Variants in CLVS1 observed in about 807,000 individuals in gnomAD.
The protein encoded by CLVS1 is clavesin 1.
In CLVS1, 10 loss-of-function variants were observed where a neutral mutation model predicts 33.1. The observed-to-expected ratio is 0.30, with a 90% CI of 0.19 to 0.51. The LOEUF is 0.51. Ranked by LOEUF, CLVS1 falls within the 20% of genes least tolerant of loss-of-function variation. The pLI is 0.97. For missense variants in CLVS1, 343 were observed against 433.4 expected (o/e 0.79, Z 1.85); for synonymous variants, 163 against 166.1 (o/e 0.98, Z 0.14).
At chr8:61,253,952 G>A (rs909987247) in intron 2 of CLVS1, among the ~76,000 whole-genome samples, 71 of 152,288 alleles carry the variant, frequency 4.7e-4, no homozygotes, top group South Asian at 2.1e-4. Flanking sequence ...GCTTTGTTCC[G>A]TTGCTGGTGA....
chr8:61,035,189 T>TTTTTC, the CLVS1 span, among the ~76,000 whole-genome samples: 1 of 138,108 alleles, frequency 7.2e-6, no homozygotes, highest in East Asian at 2.0e-4. Context: ...TCTTTTTTCT[T>TTTTTC]TTTTTTTTTT....
chr8:61,039,665 T>G, the CLVS1 span, among the ~76,000 whole-genome samples: 60 of 152,100 alleles, frequency 3.9e-4, no homozygotes, highest in East Asian at 0.012. Context: ...CTCAGCCTCC[T>G]GAGTAGCTGG....
At chr8:61,399,165 C>T (rs1814650918) in intron 3 of CLVS1, among the ~76,000 whole-genome samples, 1 of 152,226 alleles carries the variant, frequency 6.6e-6, no homozygotes, top group Admixed American at 6.5e-5. Context: ...TACACTCCCA[C>T]TAACAGTGTA....
At chr8:61,478,562 C>T (rs144283699) in intron 5 of CLVS1, among the ~76,000 whole-genome samples, 11,815 of 152,164 alleles carry the variant, frequency 0.078, 602 homozygotes, top group South Asian at 0.22. Flanking sequence ...ATCCCTTTAC[C>T]ATTATGTAAT....
At chr8:61,446,910 C>G (rs999547837) in intron 3 of CLVS1, among the ~76,000 whole-genome samples, 1 of 149,552 alleles carries the variant, frequency 6.7e-6, no homozygotes, top group Non-Finnish European at 1.5e-5. Context: ...TTCCTCTTAT[C>G]TATTATTGAT....
chr8:61,451,822 G>C (rs1428859792), intron 3 of CLVS1, among the ~76,000 whole-genome samples: 1 of 151,356 alleles, frequency 6.6e-6, no homozygotes, highest in African/African-American at 2.4e-5. Context: ...CAGAGAGAGA[G>C]AGAGAGAGAG....
intron 1 of CLVS1, among the ~76,000 whole-genome samples, chr8:61,081,135 T>C (rs1164754764): frequency 6.6e-6 from 1 of 152,160 alleles, no homozygotes; most frequent in Non-Finnish European, 1.5e-5. Context: ...GGGAAGACAC[T>C]GAAGGTTTCT....
chr8:61,057,031 T>C (rs1228405096), upstream of CLVS1: 2 of 152,196 alleles, frequency 1.3e-5, no homozygotes, highest in South Asian at 4.1e-4. Context: ...GTTCTTTCCA[T>C]TCAGGCAGAA....
At chr8:61,429,599 G>A (rs1181529641) in intron 3 of CLVS1, among the ~76,000 whole-genome samples, 2 of 152,066 alleles carry the variant, frequency 1.3e-5, no homozygotes, top group African/African-American at 2.4e-5. Context: ...TTGTATTGGG[G>A]ATTAAGTATC....
intron 2 of CLVS1, among the ~76,000 whole-genome samples, chr8:61,255,493 T>TA (rs1322236472): frequency 6.6e-6 from 1 of 152,196 alleles, no homozygotes; most frequent in African/African-American, 2.4e-5. Context: ...TGTATGTGTG[T>TA]GTGGAGAGGT....
At chr8:61,020,661 T>G in the CLVS1 span, among the ~76,000 whole-genome samples, 1 of 152,260 alleles carries the variant, frequency 6.6e-6, no homozygotes, top group Non-Finnish European at 1.5e-5. Flanking sequence ...AGTCTGAAGT[T>G]GGACAACATG....
At chr8:61,144,109 G>C (rs1397560679) in intron 2 of CLVS1, among the ~76,000 whole-genome samples, 1 of 151,784 alleles carries the variant, frequency 6.6e-6, no homozygotes, top group Non-Finnish European at 1.5e-5. Flanking sequence ...GTGCAGGTTT[G>C]TTACATAGGT....
chr8:61,045,839 C>T, the CLVS1 span, among the ~76,000 whole-genome samples: 1 of 152,170 alleles, frequency 6.6e-6, no homozygotes, highest in South Asian at 2.1e-4. Context: ...TCTTTTTACG[C>T]TAATAGACAA....
chr8:61,170,471 GA>G (rs1390650338), intron 2 of CLVS1, among the ~76,000 whole-genome samples: 3 of 152,192 alleles, frequency 2.0e-5, no homozygotes, highest in Non-Finnish European at 4.4e-5. Flanking sequence ...ATGATAACCA[GA>G]AATGCCAATT....
At chr8:61,343,254 G>C (rs1585830403) in intron 2 of CLVS1, among the ~76,000 whole-genome samples, 1 of 152,140 alleles carries the variant, frequency 6.6e-6, no homozygotes, top group Non-Finnish European at 1.5e-5. Flanking sequence ...TTTTTCAAAA[G>C]ATAAAAATAT....
At chr8:61,445,795 A>G (rs765546156) in intron 3 of CLVS1, among the ~76,000 whole-genome samples, 2 of 152,240 alleles carry the variant, frequency 1.3e-5, no homozygotes, top group Non-Finnish European at 2.9e-5. Flanking sequence ...CATTTGAGCC[A>G]GAACTTTTAT....
intron 3 of CLVS1, among the ~76,000 whole-genome samples, chr8:61,395,152 A>G (rs557303683): frequency 2.0e-5 from 3 of 152,376 alleles, no homozygotes; most frequent in East Asian, 3.9e-4. Context: ...AATGTCATTC[A>G]TGACAACATG....
intron 1 of CLVS1, among the ~76,000 whole-genome samples, chr8:61,090,183 G>T (rs1805209353): frequency 6.6e-6 from 1 of 152,192 alleles, no homozygotes; most frequent in Admixed American, 6.5e-5. Flanking sequence ...ATAATATCAT[G>T]TCCTAGCAGG....
chr8:61,334,221 C>A (rs746590113), intron 2 of CLVS1, among the ~76,000 whole-genome samples: 2 of 152,172 alleles, frequency 1.3e-5, no homozygotes, highest in Non-Finnish European at 2.9e-5. Flanking sequence ...CTGATGCCAG[C>A]CAGCGGCTGA....
Sources: gnomAD v4.1 joint callset for allele counts (sites outside exome capture counted in the v4.1 genomes callset) on GRCh38, gnomAD v4.1.1 for gene constraint, MANE v1.5 for transcripts, NCBI Gene and HGNC (gene_info 2026-07-23, HGNC 2026-07-21) for gene names.